Variants in TNNT1 observed in about 807,000 individuals in gnomAD.
TNNT1 encodes the protein troponin T1, slow skeletal type.
A neutral mutation model predicts 50.6 loss-of-function variants in TNNT1; 53 were observed. That is an observed-to-expected ratio of 1.05 (90% CI 0.84 to 1.32). The LOEUF is 1.32. Ranked by LOEUF, TNNT1 falls within the 40% of genes most tolerant of loss-of-function variation. The pLI is 0.00. For missense variants in TNNT1, 348 were observed against 381.7 expected (o/e 0.91, Z 0.74); for synonymous variants, 142 against 138.0 (o/e 1.03, Z -0.20).
chr19:55,135,038 A>G (rs2085323987), intron 11 of TNNT1, among the ~76,000 whole-genome samples: 1 of 152,038 alleles, frequency 6.6e-6, no homozygotes, highest in South Asian at 2.1e-4. Context: ...CTGCTTGCCT[A>G]CCTGTTAGCC....
intron 5 of TNNT1, 79 bp from the exon 6 acceptor site, chr19:55,145,644 G>A: frequency 1.9e-6 from 3 of 1,549,896 alleles, no homozygotes; most frequent in Non-Finnish European, 2.7e-6. Context: ...ACCCTGGGGA[G>A]GGACCCCCCA....
rs1354001351 is a variant in TNNT1 at position 55,141,782 on chromosome 19, C to T, written c.192+75G>A. ...GGCATGAGGCCCCGCGCCCGGCCGG[C>T]GCCTTTTCATGATTGACACAAAGGC... On this transcript the variant is annotated intron_variant, in intron 7 of 13. Transcript: ENST00000588981. 9 of 1,560,454 alleles carry T rather than the reference C, an allele frequency of 5.8e-6. No individual in the cohort carries two copies. The Admixed American group carries it at 1.5e-4, about 26-fold the overall frequency.
chr19:55,137,861 A>T, intron 10 of TNNT1, 100 bp downstream of exon 10: 1 of 1,443,994 alleles, frequency 6.9e-7, no homozygotes, highest in Non-Finnish European at 9.7e-7. Flanking sequence ...CAGACCCAGG[A>T]ATCCAGGCCT....
chr19:55,140,202 G>A (rs1238698167), intron 9 of TNNT1, among the ~76,000 whole-genome samples: 2 of 152,076 alleles, frequency 1.3e-5, no homozygotes, highest in Non-Finnish European at 2.9e-5. Context: ...GCTCATGCCT[G>A]TCATCCCAGC....
At position 55,140,869 on chromosome 19, in the gene TNNT1, G is replaced by A. The variant is rs372717424; in HGVS notation, c.387+14C>T. On this transcript the variant is annotated intron_variant, in intron 9 of 13. Coordinates refer to ENST00000588981, the MANE Select transcript of TNNT1 (RefSeq NM_003283.6). ...AAGTAACATTTGGGCTCTCAGGGCA[G>A]GGGAGGCACCCACCGCCAGCTTAGC... 3.3e-5 allele frequency: 53 copies of A among 1,612,628 alleles called. No individual in the cohort carries two copies. The East Asian group carries it at 7.1e-4, about 22-fold the overall frequency.
chr19:55,141,161 G>C (rs746844127), intron 8 of TNNT1, 25 bp downstream of exon 8: 1 of 1,597,712 alleles, frequency 6.3e-7, no homozygotes, highest in Non-Finnish European at 8.6e-7. Flanking sequence ...AGGAAGACCG[G>C]GGGGAACCCG....
intron 9 of TNNT1, 83 bp from the exon 10 acceptor site, chr19:55,138,157 G>A: frequency 1.2e-6 from 2 of 1,607,840 alleles, no homozygotes; most frequent in Non-Finnish European, 1.7e-6. Flanking sequence ...CTGGGGCACA[G>A]GGATCAGCAG....
rs749845738 is a variant in TNNT1, at chr19:55,147,123, C to G, written c.32+3G>C. On this transcript the variant is annotated splice_donor_region_variant and intron_variant, in intron 2 of 13. Transcript: ENST00000588981. ...CCCCAACCCCTCCCAGTGCAGCACT[C>G]ACTCCTCATATTCCTGCTCCTCGGT... The G allele has an allele frequency of 1.9e-6, 3 of 1,613,908 alleles. No individual in the cohort carries two copies. In the South Asian group the frequency reaches 3.3e-5, roughly 18 times the overall value.
chr19:55,140,991 G>C (rs968281463), intron 8 of TNNT1, 31 bp from the exon 9 acceptor site: 1 of 1,607,306 alleles, frequency 6.2e-7, no homozygotes, highest in Non-Finnish European at 8.5e-7. Flanking sequence ...AGGGGGTGCA[G>C]GGACGTACCC....
rs1181542961 is a variant in TNNT1, at chr19:55,137,144, C to T, written c.570G>A (p.Lys190=). The T allele has an allele frequency of 6.2e-7, 1 of 1,601,004 alleles. No homozygotes were observed. The highest frequency in any genetic ancestry group is 8.5e-7 in the Non-Finnish European group (1 of 1,172,582). Residue 190 remains lysine, a synonymous_variant, in exon 11 of 14, where the codon AAG becomes AAA. Coordinates refer to ENST00000588981, the MANE Select transcript of TNNT1 (RefSeq NM_003283.6). The part of the protein sequence containing the change: ...EMKVRILSER[K]KPLDIDYMGE... ...CCATGTAGTCAATGTCCAGAGGCTT[C>T]TTACGCTCGGAGAGGATGCGCACCT...
intron 6 of TNNT1, among the ~76,000 whole-genome samples, chr19:55,142,413 G>T (rs1175959078): frequency 2.0e-5 from 3 of 151,984 alleles, no homozygotes; most frequent in African/African-American, 7.2e-5. Flanking sequence ...GAGCCACCGC[G>T]CCCGGCACTA....
chr19:55,144,538 C>G (rs537719136), intron 6 of TNNT1, among the ~76,000 whole-genome samples: 1 of 152,268 alleles, frequency 6.6e-6, no homozygotes, highest in South Asian at 2.1e-4. Context: ...TGCCACTGTG[C>G]CCGGCTAATT....
At chr19:55,145,428 G>C in intron 6 of TNNT1, 116 bp downstream of exon 6, 5 of 920,882 alleles carry the variant, frequency 5.4e-6, no homozygotes, top group Non-Finnish European at 8.7e-6. Flanking sequence ...GAGAAATGTC[G>C]ACTGCTGTTT....
At chr19:55,138,159 G>C in intron 9 of TNNT1, 85 bp from the exon 10 acceptor site, 1 of 1,607,542 alleles carries the variant, frequency 6.2e-7, no homozygotes, top group South Asian at 1.1e-5. Context: ...GGGGCACAGG[G>C]ATCAGCAGAC....
chr19:55,144,072 C>CT (rs562324375), intron 6 of TNNT1, among the ~76,000 whole-genome samples: 10,937 of 124,332 alleles, frequency 0.088, 529 homozygotes, highest in Non-Finnish European at 0.1. Flanking sequence ...ACCCCACCCC[C>CT]TTTTTTTTTT....
In TNNT1 at chr19:55,149,193, G is replaced by A. The variant is rs868510703; in HGVS notation, c.-44C>T. 4.4e-6 allele frequency: 2 copies of A among 456,310 alleles called. No homozygotes were observed. The highest frequency in any genetic ancestry group is 6.5e-4 in the Middle Eastern group (2 of 3,076). The allele number at this position is 456,310 out of a possible 1,614,324, so 28.3% of individuals were successfully genotyped here. ...GTGTCTGAGATGCTGTGAATCTTGA[G>A]GCTGAGCCTTGCTGAGGGCACTGAA... On this transcript the variant is annotated 5_prime_UTR_variant, in exon 1 of 14. Transcript: ENST00000588981.
chr19:55,138,538 G>A (rs567935065), intron 9 of TNNT1, among the ~76,000 whole-genome samples: 5 of 151,956 alleles, frequency 3.3e-5, no homozygotes, highest in South Asian at 2.1e-4. Context: ...TCGGCCTCCC[G>A]GAGTGCTGGG....
chr19:55,140,756 G>A (rs960984078), intron 9 of TNNT1, 127 bp downstream of exon 9: 3 of 614,770 alleles, frequency 4.9e-6, no homozygotes, highest in African/African-American at 1.9e-5. Context: ...CAGCCTGGGC[G>A]ACAGAGCTAG....
chr19:55,147,009 T>C lies in TNNT1; in HGVS notation c.45A>G (p.Glu15=). 3 of 1,610,212 alleles carry C rather than the reference T, an allele frequency of 1.9e-6. No homozygotes were observed. Among genetic ancestry groups the C allele is most frequent in the Non-Finnish European group, 2.5e-6 (3 of 1,178,612 alleles). Reference sequence around the variant, plus strand: ...AGGGCCGGCCCACTCCCTACTCACCTTCCGGCTGCTCCCTGCGGACGGGTG... The same window carrying C: ...AGGGCCGGCCCACTCCCTACTCACCCTCCGGCTGCTCCCTGCGGACGGGTG... ...EEQEYEEEQP[E]EEAAEEEEEA... Residue 15 remains glutamate, a splice_region_variant and synonymous_variant, in exon 3 of 14, where the codon GAA becomes GAG. Coordinates refer to ENST00000588981, the MANE Select transcript of TNNT1 (RefSeq NM_003283.6).
Sources: gnomAD v4.1 joint callset for allele counts (sites outside exome capture counted in the v4.1 genomes callset) on GRCh38, gnomAD v4.1.1 for gene constraint, MANE v1.5 for transcripts, NCBI Gene and HGNC (gene_info 2026-07-23, HGNC 2026-07-21) for gene names.